Variants in KAT2B observed in about 807,000 individuals in gnomAD.
The protein encoded by KAT2B is lysine acetyltransferase 2B.
KAT2B carries 36 observed loss-of-function variants against 105.9 expected under a neutral mutation model. The ratio of observed to expected loss-of-function variants is 0.34; its 90% CI spans 0.26 to 0.45. The LOEUF (loss-of-function observed/expected upper bound fraction) is 0.45, where lower values mean the gene tolerates loss of function less well. Among genes scored for constraint, KAT2B ranks in the 20% least tolerant of loss-of-function variants. The pLI, the probability that KAT2B is intolerant of heterozygous loss-of-function variation, is 1.00. For missense variants in KAT2B, 820 were observed against 1,021.6 expected, an observed-to-expected ratio of 0.80 and a Z score of 2.69; for synonymous variants, 397 against 377.9, an observed-to-expected ratio of 1.05 and a Z score of -0.59.
chr3:20,133,130 AT>A (rs1438170274), intron 11 of KAT2B, among the ~76,000 whole-genome samples: 2 of 152,158 alleles, frequency 1.3e-5, no homozygotes, highest in Non-Finnish European at 2.9e-5. Context: ...CCATCCTGCT[AT>A]TTTTGTCAGC....
chr3:20,095,469 A>T, intron 3 of KAT2B, 61 bp downstream of exon 3: 1 of 1,206,640 alleles, frequency 8.3e-7, no homozygotes, highest in Non-Finnish European at 1.2e-6. Flanking sequence ...CAGTCTCCAT[A>T]TGCCAGGTCG....
At chr3:20,047,606 CTT>C (rs35457765) in intron 1 of KAT2B, among the ~76,000 whole-genome samples, 25 of 117,840 alleles carry the variant, frequency 2.1e-4, no homozygotes, top group Middle Eastern at 5.1e-3. Flanking sequence ...CCGTGAGTAC[CTT>C]TTTTTTTTTT....
chr3:20,068,210 G>A (rs1157875066), intron 1 of KAT2B, among the ~76,000 whole-genome samples: 2 of 151,600 alleles, frequency 1.3e-5, no homozygotes, highest in Non-Finnish European at 2.9e-5. Context: ...TGGCCAGGTT[G>A]GTCTCGAACT....
At chr3:20,103,127 G>A (rs552282726) in intron 5 of KAT2B, among the ~76,000 whole-genome samples, 6 of 151,904 alleles carry the variant, frequency 3.9e-5, no homozygotes, top group East Asian at 3.9e-4. Flanking sequence ...CTTCATTTCC[G>A]TATCTTTCAT....
chr3:20,088,263 A>G (rs888621699), intron 2 of KAT2B, among the ~76,000 whole-genome samples: 1 of 152,176 alleles, frequency 6.6e-6, no homozygotes, highest in Non-Finnish European at 1.5e-5. Context: ...CTTTGGATAT[A>G]TATCCAGAAG....
chr3:20,144,273 A>ATTT (rs1699744034), intron 13 of KAT2B, among the ~76,000 whole-genome samples: 3 of 100,714 alleles, frequency 3.0e-5, no homozygotes, highest in Non-Finnish European at 4.0e-5. Context: ...TGCCCTTGGG[A>ATTT]TTCTTTTTTT....
At chr3:20,068,464 G>A (rs1250888913) in intron 1 of KAT2B, among the ~76,000 whole-genome samples, 1 of 149,652 alleles carries the variant, frequency 6.7e-6, no homozygotes, top group Non-Finnish European at 1.5e-5. Context: ...TTGCTCTAAG[G>A]TCATCTCAAA....
chr3:20,152,884 C>A lies in KAT2B; in HGVS notation c.*359C>A. 6.3e-6 allele frequency: 1 copy of A among 158,234 alleles called. No homozygotes were observed. Among genetic ancestry groups the A allele is most frequent in the Non-Finnish European group, 1.4e-5 (1 of 71,716 alleles). The allele number at this position is 158,234 out of a possible 1,614,324, so 9.8% of individuals were successfully genotyped here. A position where few individuals can be genotyped will look rare whatever the true frequency, so the allele number is the denominator to read the frequency against. ...TGGGGAAATCCATAACATTTTCAGA[C>A]CATGAATGAATGTTTCCATTTTTTT... On this transcript the variant is annotated 3_prime_UTR_variant, in exon 18 of 18. Transcript: ENST00000263754.
intron 3 of KAT2B, among the ~76,000 whole-genome samples, chr3:20,099,363 A>G (rs1698867897): frequency 6.6e-6 from 1 of 152,184 alleles, no homozygotes. Context: ...TGCTGTAGAC[A>G]GCTCCTGTCC....
chr3:20,121,726 ATGCATATG>A (rs1333261206), intron 8 of KAT2B, among the ~76,000 whole-genome samples: 6 of 121,164 alleles, frequency 5.0e-5, no homozygotes, highest in African/African-American at 1.9e-4. Context: ...ACATACACAT[ATGCATATG>A]TGTGTGTGTG....
chr3:20,125,820 A>G (rs769554331), intron 9 of KAT2B, 85 bp from the exon 10 acceptor site: 2 of 1,104,708 alleles, frequency 1.8e-6, no homozygotes, highest in Non-Finnish European at 2.7e-6. Flanking sequence ...TTATTAGAAC[A>G]AAGATGAGAA....
chr3:20,094,295 C>T (rs1013792976), intron 2 of KAT2B, among the ~76,000 whole-genome samples: 5 of 152,068 alleles, frequency 3.3e-5, no homozygotes, highest in Non-Finnish European at 7.4e-5. Context: ...CTGCCAAACA[C>T]TTTTAAACAT....
At chr3:20,100,316 G>T (rs992694484) in intron 4 of KAT2B, among the ~76,000 whole-genome samples, 3 of 152,164 alleles carry the variant, frequency 2.0e-5, no homozygotes, top group Non-Finnish European at 4.4e-5. Context: ...AAAGCCTATT[G>T]AGGTGAGGGG....
intron 1 of KAT2B, among the ~76,000 whole-genome samples, chr3:20,045,578 A>G (rs990126218): frequency 3.9e-5 from 6 of 152,064 alleles, no homozygotes; most frequent in South Asian, 2.1e-4. Flanking sequence ...GCCAAATCCA[A>G]ATCTTCTTGA....
At chr3:20,134,916 T>G (rs1015457818) in intron 11 of KAT2B, among the ~76,000 whole-genome samples, 2 of 152,220 alleles carry the variant, frequency 1.3e-5, no homozygotes, top group African/African-American at 4.8e-5. Flanking sequence ...CATATCAACA[T>G]GTAATAAGTA....
chr3:20,069,509 T>TTTTTC (rs71853298), intron 1 of KAT2B, among the ~76,000 whole-genome samples: 27 of 141,464 alleles, frequency 1.9e-4, no homozygotes, highest in African/African-American at 4.6e-4. Context: ...AGAGCTTTTC[T>TTTTTC]TTTTCTTTTC....
At chr3:20,064,772 T>C (rs1333504195) in intron 1 of KAT2B, among the ~76,000 whole-genome samples, 1 of 152,248 alleles carries the variant, frequency 6.6e-6, no homozygotes, top group African/African-American at 2.4e-5. Flanking sequence ...GCTAAATAAA[T>C]GTTGGATCAG....
chr3:20,040,640 G>C lies in KAT2B; in HGVS notation c.163G>C (p.Ala55Pro). 1 of 1,434,320 alleles carries C rather than the reference G, an allele frequency of 7.0e-7. No homozygotes were observed. The highest frequency in any genetic ancestry group is 9.1e-7 in the Non-Finnish European group (1 of 1,097,172). The allele number at this position is 1,434,320 out of a possible 1,614,324, so 88.8% of individuals were successfully genotyped here. A position where few individuals can be genotyped will look rare whatever the true frequency, so the allele number is the denominator to read the frequency against. Residue 55 changes from alanine to proline, a missense_variant, in exon 1 of 18, where the codon GCG (alanine) becomes CCG (proline). This residue lies in a region of KAT2B where 190 missense variants were observed against 176.7 expected (regional missense o/e 1.08). Coordinates refer to ENST00000263754, the MANE Select transcript of KAT2B (RefSeq NM_003884.5). ...AAGGSGACGP[A>P]TAVAAAGTAE... ...CGGGGGCTCGGGCGCCTGCGGTCCG[G>C]CGACGGCAGTGGCTGCAGCGGGCAC...
chr3:20,072,274 A>G (rs1263854783), intron 1 of KAT2B, 59 bp from the exon 2 acceptor site: 11 of 1,561,746 alleles, frequency 7.0e-6, no homozygotes, highest in Non-Finnish European at 9.7e-6. Flanking sequence ...CTCATGTAAA[A>G]CCATCAGTCC....
Sources: allele counts gnomAD v4.1 joint callset (sites outside exome capture counted in the v4.1 genomes callset), GRCh38; gene constraint gnomAD v4.1.1; regional missense constraint gnomAD v4.1.1; transcripts MANE v1.5; gene names NCBI Gene and HGNC (gene_info 2026-07-23, HGNC 2026-07-21).